The following TRAF2 variants were observed in gnomAD, a reference collection of about 807,000 sequenced individuals.
The protein encoded by TRAF2 is TNF receptor-associated factor 2.
Under a neutral mutation model 55.6 loss-of-function variants are expected in TRAF2, and 6 were observed. The ratio of observed to expected loss-of-function variants is 0.11; its 90% CI spans 0.06 to 0.21. TRAF2 has a LOEUF of 0.21. Ranked by LOEUF, TRAF2 falls within the 10% of genes least tolerant of loss-of-function variation. The probability of loss-of-function intolerance (pLI) is 1.00; values close to 1 mark genes in which losing one functional copy is unlikely to be tolerated. For missense variants in TRAF2, 561 were observed against 684.5 expected, an observed-to-expected ratio of 0.82 and a Z score of 2.01; for synonymous variants, 329 against 276.3, an observed-to-expected ratio of 1.19 and a Z score of -1.89.
At chr9:136,922,009 T>C (rs929644362) in intron 9 of TRAF2, among the ~76,000 whole-genome samples, 1 of 152,238 alleles carries the variant, frequency 6.6e-6, no homozygotes, top group African/African-American at 2.4e-5. Flanking sequence ...AACCTGCTGA[T>C]AGAATCTTAG....
At chr9:136,910,127 G>T in intron 6 of TRAF2, 133 bp downstream of exon 6, 2 of 999,984 alleles carry the variant, frequency 2.0e-6, no homozygotes, top group Non-Finnish European at 1.5e-6. Flanking sequence ...CCCCTGTAAC[G>T]TTGGGTCATG....
intron 1 of TRAF2, among the ~76,000 whole-genome samples, chr9:136,894,069 TG>T (rs1341711350): frequency 6.0e-5 from 5 of 83,954 alleles, no homozygotes; most frequent in Admixed American, 1.4e-4. Flanking sequence ...TTTTTTGAAA[TG>T]GAGTCTTGCC....
chr9:136,925,188 G>GGTGGGGGAGGGGGT (rs1302732399), intron 10 of TRAF2, among the ~76,000 whole-genome samples: 11 of 152,208 alleles, frequency 7.2e-5, no homozygotes, highest in Non-Finnish European at 1.5e-4. Flanking sequence ...AGCAGAGTTG[G>GGTGGGGGAGGGGGT]GTGGGGGAGG....
intron 9 of TRAF2, among the ~76,000 whole-genome samples, chr9:136,922,036 C>T (rs1055551371): frequency 3.9e-5 from 6 of 152,160 alleles, no homozygotes; most frequent in African/African-American, 1.4e-4. Context: ...GGATCAAGGC[C>T]GAGATGCTGT....
At chr9:136,890,150 C>T (rs998984469) in intron 1 of TRAF2, among the ~76,000 whole-genome samples, 3 of 137,468 alleles carry the variant, frequency 2.2e-5, no homozygotes, top group Admixed American at 7.3e-5. Context: ...AGCCGGTCAC[C>T]GTGTGTGTGA....
At position 136,916,643 on chromosome 9, in the gene TRAF2, C is replaced by T. The variant is rs1311888609; in HGVS notation, c.678+28C>T. 1.9e-6 allele frequency: 3 copies of T among 1,607,910 alleles called. No homozygotes were observed. The African/African-American group carries it at 4.0e-5, about 21-fold the overall frequency. On this transcript the variant is annotated intron_variant, in intron 7 of 10. Transcript: ENST00000247668. ...GAGTCGGGGGGTCTGAGGTTGGGGG[C>T]CACCCCTCATCCTGGGTGTGGTCTT...
At chr9:136,917,596 C>G (rs1361691312) in intron 7 of TRAF2, among the ~76,000 whole-genome samples, 3 of 152,236 alleles carry the variant, frequency 2.0e-5, no homozygotes, top group African/African-American at 7.2e-5. Context: ...GGTGCAGACC[C>G]TCCCCTGGCC....
intron 6 of TRAF2, among the ~76,000 whole-genome samples, chr9:136,913,872 G>A (rs1273435774): frequency 1.3e-5 from 2 of 152,028 alleles, no homozygotes; most frequent in African/African-American, 4.8e-5. Flanking sequence ...GGGCTTGGTC[G>A]GGTTCCTCAC....
rs1414630187 is a variant in TRAF2 at position 136,924,795 on chromosome 9, A to C, written c.1287+795A>C. Reference sequence around the variant, plus strand: ...TGCTCTGTCGCCCAGGCTGGAGTGCAGTGGCATGATCTCGGCTCACTGCAA... The same window carrying C: ...TGCTCTGTCGCCCAGGCTGGAGTGCCGTGGCATGATCTCGGCTCACTGCAA... On this transcript the variant is annotated intron_variant, in intron 10 of 10. Transcript: ENST00000247668. Among the ~76,000 whole-genome samples, 9 of 152,044 alleles carry C rather than the reference A, an allele frequency of 5.9e-5. No homozygotes were observed. The South Asian group carries it at 1.5e-3, about 25-fold the overall frequency.
At chr9:136,894,884 G>A (rs1282620193) in intron 1 of TRAF2, among the ~76,000 whole-genome samples, 4 of 152,190 alleles carry the variant, frequency 2.6e-5, no homozygotes, top group Admixed American at 6.5e-5. Context: ...AGAAACTGGC[G>A]GGAGGATCGC....
intron 7 of TRAF2, among the ~76,000 whole-genome samples, chr9:136,919,680 T>TTCTTCCCTTCGTCCCA (rs17250546): frequency 1.2e-4 from 18 of 148,724 alleles, no homozygotes; most frequent in Non-Finnish European, 2.5e-4. Context: ...TTCCCTCCCC[T>TTCTTCCCTTCGTCCCA]TCTTCCCTTC....
intron 9 of TRAF2, among the ~76,000 whole-genome samples, chr9:136,923,018 C>A (rs561936763): frequency 2.0e-5 from 3 of 152,114 alleles, no homozygotes; most frequent in Admixed American, 1.3e-4. Flanking sequence ...GGGGTCCCTG[C>A]GTGCAGACCT....
chr9:136,882,198 G>A (rs1275160421), upstream of TRAF2, among the ~76,000 whole-genome samples: 1 of 152,220 alleles, frequency 6.6e-6, no homozygotes, highest in Non-Finnish European at 1.5e-5. Flanking sequence ...CTTCAAGGGT[G>A]CCAACCACGC....
At position 136,911,264 on chromosome 9, in the gene TRAF2, CTTTT is replaced by C. The variant is rs34077067; in HGVS notation, c.603+1287_603+1290del. 5.6e-3 allele frequency among the ~76,000 whole-genome samples: 690 copies of C among 122,518 alleles called. 2 individuals are homozygous for C. The highest frequency in any genetic ancestry group is 0.016 in the African/African-American group (502 of 31,664). The allele number at this position is 122,518 out of a possible 152,430, so 80.4% of individuals were successfully genotyped here. The stretch of plus-strand genomic sequence containing the variant: ...CATGGTGCATTTTCATCCTTCCCGT[CTTTT>C]TTTTTTTTTTTTTTTTGGAGACAGA... On this transcript the variant is annotated intron_variant, in intron 6 of 10. Coordinates refer to ENST00000247668, the MANE Select transcript of TRAF2 (RefSeq NM_021138.4).
Position 136,924,861 on chromosome 9 carries a change from C to T in TRAF2, c.1288-822C>T, listed in dbSNP as rs545481387. Among the ~76,000 whole-genome samples, 7 of 152,168 alleles carry T rather than the reference C, an allele frequency of 4.6e-5. No homozygotes were observed. The South Asian group carries it at 8.3e-4, about 18-fold the overall frequency. ...TCAAGCGATTCTCCTGCCTCAGCCTCCTGAGTAGCTGGGACTACAGGCATG... is the reference window on the plus strand; with the variant it reads ...TCAAGCGATTCTCCTGCCTCAGCCTTCTGAGTAGCTGGGACTACAGGCATG... On this transcript the variant is annotated intron_variant, in intron 10 of 10. Coordinates refer to ENST00000247668, the MANE Select transcript of TRAF2 (RefSeq NM_021138.4).
chr9:136,903,722 C>T (rs893729496), intron 4 of TRAF2, among the ~76,000 whole-genome samples: 29 of 152,000 alleles, frequency 1.9e-4, no homozygotes, highest in Non-Finnish European at 3.7e-4. Flanking sequence ...CACTCTGTCA[C>T]CCAGACTGGA....
rs528620833 is a variant in TRAF2 at position 136,918,977 on chromosome 9, C to T, written c.679-1257C>T. 6.6e-5 allele frequency among the ~76,000 whole-genome samples: 10 copies of T among 151,970 alleles called. No homozygotes were observed. In the South Asian group the frequency reaches 8.3e-4, roughly 13 times the overall value. On this transcript the variant is annotated intron_variant, in intron 7 of 10. Coordinates refer to ENST00000247668, the MANE Select transcript of TRAF2 (RefSeq NM_021138.4). ...CTCAAACTCCTGACCTCAGGTGATC[C>T]GCCCACTTCAGCCTCCCAAAGTACT...
chr9:136,886,690 G>T (rs1358982422), intron 1 of TRAF2, 149 bp downstream of exon 1: 6 of 420,564 alleles, frequency 1.4e-5, no homozygotes, highest in South Asian at 9.2e-5. Context: ...CGCGGGGCGG[G>T]GGCGGGGCCA....
chr9:136,890,975 G>C (rs1849570081), intron 1 of TRAF2, among the ~76,000 whole-genome samples: 1 of 152,186 alleles, frequency 6.6e-6, no homozygotes, highest in South Asian at 2.1e-4. Context: ...AGGCTCAGGT[G>C]ATCCTCCCAC....
Sources: gnomAD v4.1 joint callset for allele counts (sites outside exome capture counted in the v4.1 genomes callset) on GRCh38, gnomAD v4.1.1 for gene constraint, MANE v1.5 for transcripts, NCBI Gene and HGNC (gene_info 2026-07-23, HGNC 2026-07-21) for gene names.